The following MAPK4 variants were observed in gnomAD, a reference collection of about 807,000 sequenced individuals.
MAPK4 encodes mitogen-activated protein kinase 4, also known as Erk3-related.
Under a neutral mutation model 47.7 loss-of-function variants are expected in MAPK4, and 22 were observed. The observed-to-expected ratio is 0.46, with a 90% CI of 0.33 to 0.66. The LOEUF (loss-of-function observed/expected upper bound fraction) is 0.66, where lower values mean the gene tolerates loss of function less well. Ranked by LOEUF, MAPK4 falls within the 30% of genes least tolerant of loss-of-function variation. The pLI, the probability that MAPK4 is intolerant of heterozygous loss-of-function variation, is 0.02. For synonymous variants in MAPK4, 390 were observed against 365.7 expected (o/e 1.07, Z -0.76); for missense variants, 736 against 831.7 (o/e 0.88, Z 1.42).
intron 2 of MAPK4, among the ~76,000 whole-genome samples, chr18:50,706,380 G>A (rs1423137724): frequency 6.6e-6 from 1 of 151,942 alleles, no homozygotes; most frequent in East Asian, 1.9e-4. Flanking sequence ...AAAAATCACT[G>A]ATGCCTGGTT....
chr18:50,722,691 C>T (rs1437856386), intron 4 of MAPK4, among the ~76,000 whole-genome samples: 1 of 152,158 alleles, frequency 6.6e-6, no homozygotes, highest in Non-Finnish European at 1.5e-5. Flanking sequence ...AGGCAGGCCC[C>T]AAGACCACAC....
chr18:50,660,901 G>A (rs1373436283), intron 1 of MAPK4, among the ~76,000 whole-genome samples: 2 of 152,126 alleles, frequency 1.3e-5, no homozygotes, highest in African/African-American at 4.8e-5. Flanking sequence ...CAGCATATTG[G>A]GAAGACCACT....
chr18:50,613,828 G>A (rs4611559), intron 1 of MAPK4, among the ~76,000 whole-genome samples: 151,786 of 152,316 alleles, frequency 1, 75,631 homozygotes, highest in East Asian at 1. Flanking sequence ...TAGGAAGTAA[G>A]CCAGGGCATT....
intron 1 of MAPK4, among the ~76,000 whole-genome samples, chr18:50,581,029 C>T (rs1962542933): frequency 6.6e-6 from 1 of 152,204 alleles, no homozygotes; most frequent in African/African-American, 2.4e-5. Context: ...TGTATTCATC[C>T]TCACTCTGTG....
intron 2 of MAPK4, among the ~76,000 whole-genome samples, chr18:50,665,535 T>C (rs2144260429): frequency 6.6e-6 from 1 of 152,336 alleles, no homozygotes; most frequent in African/African-American, 2.4e-5. Context: ...GAGGGTGGTT[T>C]TGACCTTGAA....
intron 1 of MAPK4, among the ~76,000 whole-genome samples, chr18:50,601,519 C>A (rs1269370174): frequency 2.0e-5 from 3 of 152,060 alleles, no homozygotes; most frequent in African/African-American, 7.2e-5. Context: ...CCTTCCACGG[C>A]TGCACCACTT....
intron 1 of MAPK4, among the ~76,000 whole-genome samples, chr18:50,574,529 T>C (rs934101561): frequency 6.6e-6 from 1 of 152,224 alleles, no homozygotes; most frequent in African/African-American, 2.4e-5. Context: ...CAGAGCCCAG[T>C]TCTCCTCACT....
At chr18:50,592,653 A>C (rs1006058950) in intron 1 of MAPK4, among the ~76,000 whole-genome samples, 1 of 152,234 alleles carries the variant, frequency 6.6e-6, no homozygotes, top group Non-Finnish European at 1.5e-5. Flanking sequence ...AATATGGGAA[A>C]ATTTATTGAT....
At chr18:50,564,644 A>G (rs1461996591) in intron 1 of MAPK4, among the ~76,000 whole-genome samples, 1 of 152,254 alleles carries the variant, frequency 6.6e-6, no homozygotes, top group Non-Finnish European at 1.5e-5. Context: ...ATAAATTAGA[A>G]TAAATATCCT....
intron 1 of MAPK4, among the ~76,000 whole-genome samples, chr18:50,594,875 A>G (rs991248987): frequency 2.0e-5 from 3 of 152,250 alleles, no homozygotes; most frequent in African/African-American, 4.8e-5. Context: ...CTACTAATCA[A>G]TAATAAAAGA....
At chr18:50,586,047 T>A (rs1254267007) in intron 1 of MAPK4, among the ~76,000 whole-genome samples, 1 of 152,164 alleles carries the variant, frequency 6.6e-6, no homozygotes, top group Non-Finnish European at 1.5e-5. Flanking sequence ...GTGTGACCAT[T>A]TCAGTAATGA....
intron 1 of MAPK4, among the ~76,000 whole-genome samples, chr18:50,581,462 G>A (rs768206619): frequency 6.6e-5 from 10 of 152,186 alleles, no homozygotes; most frequent in Non-Finnish European, 1.2e-4. Flanking sequence ...GAGAGCAACC[G>A]AGCAGTTACG....
intron 1 of MAPK4, among the ~76,000 whole-genome samples, chr18:50,604,491 C>G (rs3862671): frequency 0.41 from 62,242 of 152,068 alleles, 13,797 homozygotes; most frequent in Non-Finnish European, 0.5. Flanking sequence ...AGCTTGCTTA[C>G]TCTTTTAGAA....
chr18:50,628,306 A>C (rs1333978004), intron 1 of MAPK4, among the ~76,000 whole-genome samples: 1 of 152,162 alleles, frequency 6.6e-6, no homozygotes, highest in Non-Finnish European at 1.5e-5. Flanking sequence ...CCAACATCTG[A>C]TCGCTTTAGG....
intron 2 of MAPK4, among the ~76,000 whole-genome samples, chr18:50,707,675 A>G (rs1329664794): frequency 4.6e-5 from 7 of 152,170 alleles, no homozygotes; most frequent in Admixed American, 4.6e-4. Flanking sequence ...AACAGTTAAA[A>G]TGGTGAACTT....
intron 2 of MAPK4, among the ~76,000 whole-genome samples, chr18:50,675,583 C>G (rs1455642289): frequency 6.6e-6 from 1 of 152,214 alleles, no homozygotes; most frequent in African/African-American, 2.4e-5. Flanking sequence ...CCTCCACCTC[C>G]TGGGTTCACG....
chr18:50,645,909 G>A (rs975972772), intron 1 of MAPK4, among the ~76,000 whole-genome samples: 11 of 152,184 alleles, frequency 7.2e-5, no homozygotes, highest in Non-Finnish European at 1.3e-4. Flanking sequence ...ATGTTCCTAG[G>A]TTAGATGAAG....
At chr18:50,625,610 T>C (rs1432021827) in intron 1 of MAPK4, among the ~76,000 whole-genome samples, 1 of 152,074 alleles carries the variant, frequency 6.6e-6, no homozygotes, top group Non-Finnish European at 1.5e-5. Flanking sequence ...GAAGACATGC[T>C]CAGTGGGCAA....
intron 1 of MAPK4, among the ~76,000 whole-genome samples, chr18:50,564,169 C>A (rs769005920): frequency 2.0e-5 from 3 of 152,108 alleles, no homozygotes; most frequent in Non-Finnish European, 2.9e-5. Flanking sequence ...TGTGAGCCAC[C>A]TGTCAGCTTG....
Sources: allele counts gnomAD v4.1 joint callset (sites outside exome capture counted in the v4.1 genomes callset), GRCh38; gene constraint gnomAD v4.1.1; transcripts MANE v1.5; gene names NCBI Gene and HGNC (gene_info 2026-07-23, HGNC 2026-07-21).